Variants in PARP8 observed in about 807,000 individuals in gnomAD.
PARP8 encodes protein mono-ADP-ribosyltransferase PARP8.
A neutral mutation model predicts 124.1 loss-of-function variants in PARP8; 51 were observed. The ratio of observed to expected loss-of-function variants is 0.41; its 90% CI spans 0.33 to 0.52. The LOEUF is 0.52. Ranked by LOEUF, PARP8 falls within the 20% of genes least tolerant of loss-of-function variation. The probability of loss-of-function intolerance (pLI) is 0.21; values close to 1 mark genes in which losing one functional copy is unlikely to be tolerated. For synonymous variants in PARP8, 391 were observed against 361.5 expected (o/e 1.08, Z -0.93); for missense variants, 860 against 1,018.9 (o/e 0.84, Z 2.12).
chr5:50,815,471 C>T lies in PARP8; in HGVS notation c.1615C>T (p.Gln539Ter). Reference sequence around the variant, plus strand: ...ACGGGAGCTGTGTGTGTTTGCTTTTCAAACCCTGGGAGTAATGAATGAAGC... The same window carrying T: ...ACGGGAGCTGTGTGTGTTTGCTTTTTAAACCCTGGGAGTAATGAATGAAGC... ...CERELCVFAFQTLGVMNEAAD... is the reference protein window; with the variant it reads ...CERELCVFAF Residue 539 changes from glutamine (Q) to a stop codon, truncating the protein, a stop_gained, in exon 15 of 26, where the codon CAA (glutamine) becomes TAA (stop). Transcript: ENST00000281631. LOFTEE classifies it high-confidence loss of function. The T allele has an allele frequency of 6.2e-7, 1 of 1,600,336 alleles. No individual in the cohort carries two copies. The highest frequency in any genetic ancestry group is 8.5e-7 in the Non-Finnish European group (1 of 1,174,066).
intron 14 of PARP8, among the ~76,000 whole-genome samples, chr5:50,803,636 T>G (rs192212629): frequency 6.6e-6 from 1 of 152,198 alleles, no homozygotes; most frequent in Admixed American, 6.5e-5. Flanking sequence ...ATTGTACTTT[T>G]CAACTCCAGA....
chr5:50,774,807 A>G (rs1433612135), intron 7 of PARP8, among the ~76,000 whole-genome samples: 284 of 77,212 alleles, frequency 3.7e-3, no homozygotes, highest in African/African-American at 4.2e-3. Flanking sequence ...TTCCCAGACG[A>G]GGCGGCCGGG....
At chr5:50,832,682 A>T in intron 22 of PARP8, 99 bp from the exon 23 acceptor site, 1 of 1,197,040 alleles carries the variant, frequency 8.4e-7, no homozygotes, top group Non-Finnish European at 1.2e-6. Flanking sequence ...ATGTGATCAA[A>T]CCTTTACCTA....
intron 2 of PARP8, among the ~76,000 whole-genome samples, chr5:50,676,986 T>C (rs1750707228): frequency 6.6e-6 from 1 of 152,186 alleles, no homozygotes; most frequent in Non-Finnish European, 1.5e-5. Flanking sequence ...ATACTTAAAA[T>C]GGTTCATGTT....
chr5:50,671,185 G>A (rs1180355143), intron 2 of PARP8, among the ~76,000 whole-genome samples: 2 of 152,166 alleles, frequency 1.3e-5, no homozygotes, highest in Admixed American at 1.3e-4. Context: ...GTCTCTTTCT[G>A]TTTTACTGAT....
chr5:50,673,143 G>A (rs1750230842), intron 2 of PARP8, among the ~76,000 whole-genome samples: 1 of 152,164 alleles, frequency 6.6e-6, no homozygotes, highest in Admixed American at 6.5e-5. Flanking sequence ...GGAGTCCTGG[G>A]AACCTGCCTC....
chr5:50,837,985 T>C lies in PARP8; in HGVS notation c.2462+2970T>C, dbSNP rs544940025. Among the ~76,000 whole-genome samples, 37 of 151,946 alleles carry C rather than the reference T, an allele frequency of 2.4e-4. 1 individual carries two copies. The South Asian group carries it at 7.7e-3, about 32-fold the overall frequency. ...ATTACATGACTAACCTTGAAACGCA[T>C]GTGTACTAGGACATTGAGACCCATA... is the stretch of plus-strand genomic sequence containing the variant. On this transcript the variant is annotated intron_variant, in intron 25 of 25. Coordinates refer to ENST00000281631, the MANE Select transcript of PARP8 (RefSeq NM_024615.4).
intron 2 of PARP8, among the ~76,000 whole-genome samples, chr5:50,672,069 T>C (rs1185404640): frequency 6.6e-6 from 1 of 152,214 alleles, no homozygotes; most frequent in Non-Finnish European, 1.5e-5. Context: ...TTGCACATGC[T>C]GCCTGGAAAA....
intron 9 of PARP8, among the ~76,000 whole-genome samples, chr5:50,787,464 CTAACATT>C (rs1561379245): frequency 1.3e-5 from 2 of 152,112 alleles, no homozygotes; most frequent in African/African-American, 4.8e-5. Context: ...TTGTTCTTAT[CTAACATT>C]TAAACCTCAG....
At chr5:50,777,941 G>A in intron 7 of PARP8, 128 bp from the exon 8 acceptor site, 1 of 697,384 alleles carries the variant, frequency 1.4e-6, no homozygotes, top group Middle Eastern at 3.2e-4. Context: ...TCCACAGTTA[G>A]ATGTGAGCTA....
chr5:50,762,459 TA>T (rs1760644853), intron 6 of PARP8, among the ~76,000 whole-genome samples: 1 of 152,150 alleles, frequency 6.6e-6, no homozygotes, highest in Admixed American at 6.5e-5. Flanking sequence ...TGTTAAAATT[TA>T]AAACTGAGCA....
At position 50,795,498 on chromosome 5, in the gene PARP8, G is replaced by A; in HGVS notation, c.1428+81G>A. 16 of 1,147,164 alleles carry A rather than the reference G, an allele frequency of 1.4e-5. 1 individual carries two copies. In the South Asian group the frequency reaches 2.9e-4, roughly 21 times the overall value. The allele number at this position is 1,147,164 out of a possible 1,614,324, so 71.1% of individuals were successfully genotyped here. On this transcript the variant is annotated intron_variant, in intron 12 of 25. Coordinates refer to ENST00000281631, the MANE Select transcript of PARP8 (RefSeq NM_024615.4). ...TTTTTTTTTCTTATAAGATCTGGTGGAGAAAAGAAGCAAAACTTTGTTTTA... is the reference window on the plus strand; with the variant it reads ...TTTTTTTTTCTTATAAGATCTGGTGAAGAAAAGAAGCAAAACTTTGTTTTA...
At chr5:50,786,715 T>C (rs1741296238) in intron 9 of PARP8, among the ~76,000 whole-genome samples, 2 of 152,096 alleles carry the variant, frequency 1.3e-5, no homozygotes, top group East Asian at 3.9e-4. Flanking sequence ...CTCTGGAATC[T>C]TCCATCCGCT....
intron 7 of PARP8, among the ~76,000 whole-genome samples, chr5:50,769,160 A>G (rs1321788095): frequency 6.6e-6 from 1 of 152,280 alleles, no homozygotes; most frequent in South Asian, 2.1e-4. Context: ...AGAAATTCAC[A>G]TGTAAGAGGT....
At chr5:50,721,807 T>G (rs1333578528) in intron 2 of PARP8, among the ~76,000 whole-genome samples, 1 of 152,248 alleles carries the variant, frequency 6.6e-6, no homozygotes, top group Non-Finnish European at 1.5e-5. Flanking sequence ...TATTGGTTGG[T>G]AAGAACTCAT....
chr5:50,816,538 T>G (rs1279529643), intron 15 of PARP8, among the ~76,000 whole-genome samples: 1 of 152,158 alleles, frequency 6.6e-6, no homozygotes, highest in African/African-American at 2.4e-5. Context: ...TCATTTTAAT[T>G]AACTAAAACT....
At chr5:50,827,491 T>G (rs1746476084) in intron 19 of PARP8, among the ~76,000 whole-genome samples, 1 of 152,214 alleles carries the variant, frequency 6.6e-6, no homozygotes, top group Non-Finnish European at 1.5e-5. Flanking sequence ...TATAAATATA[T>G]GCAAATAAAG....
intron 14 of PARP8, among the ~76,000 whole-genome samples, chr5:50,797,490 C>T (rs1742691778): frequency 6.6e-6 from 1 of 152,242 alleles, no homozygotes; most frequent in South Asian, 2.1e-4. Context: ...CCATCTACAC[C>T]TATATCAACG....
rs960732695 is a variant in PARP8, at chr5:50,738,916, G to A, written c.147-11235G>A. 2.0e-5 allele frequency: 14 copies of A among 696,728 alleles called. No individual in the cohort carries two copies. In the African/African-American group the frequency reaches 2.3e-4, roughly 11 times the overall value. 43.2% of individuals were successfully genotyped at this position (696,728 alleles called of 1,614,324 possible). A position where few individuals can be genotyped will look rare whatever the true frequency, so the allele number is the denominator to read the frequency against. On this transcript the variant is annotated intron_variant, in intron 2 of 25. Transcript: ENST00000281631. ...TTATTGATAATGAGACGTAGGCTTA[G>A]TTTACATCAGGGCTCTGCCTCTGTC...
Sources: gnomAD v4.1 joint callset for allele counts (sites outside exome capture counted in the v4.1 genomes callset) on GRCh38, gnomAD v4.1.1 for gene constraint, MANE v1.5 for transcripts, NCBI Gene and HGNC (gene_info 2026-07-23, HGNC 2026-07-21) for gene names.